The following MARK1 variants were observed in gnomAD, a reference collection of about 807,000 sequenced individuals.
MARK1 encodes the protein microtubule affinity regulating kinase 1, also known as serine/threonine-protein kinase MARK1.
In MARK1, 40 loss-of-function variants were observed where a neutral mutation model predicts 96.3. The observed-to-expected ratio is 0.42, with a 90% CI of 0.32 to 0.54. MARK1 has a LOEUF of 0.54. Among genes scored for constraint, MARK1 ranks in the 20% least tolerant of loss-of-function variants. The probability of loss-of-function intolerance (pLI) is 0.16; values close to 1 mark genes in which losing one functional copy is unlikely to be tolerated. For missense variants in MARK1, 719 were observed against 984.6 expected (o/e 0.73, Z 3.61); for synonymous variants, 317 against 341.2 (o/e 0.93, Z 0.78).
chr1:220,549,659 A>T (rs1381513176), intron 1 of MARK1, among the ~76,000 whole-genome samples: 1 of 152,212 alleles, frequency 6.6e-6, no homozygotes, highest in Non-Finnish European at 1.5e-5. Flanking sequence ...AGAGTACAGA[A>T]GAGGAGAGTT....
At position 220,653,224 on chromosome 1, in the gene MARK1, G is replaced by C; in HGVS notation, c.1860G>C (p.Arg620=). Residue 620 remains arginine (R), a synonymous_variant, in exon 16 of 18, where the codon CGG becomes CGC. Coordinates refer to ENST00000366917, the MANE Select transcript of MARK1 (RefSeq NM_018650.5). ...SRSTFHGEQL[R]ERRSVAYNGP... ...GCACTTTCCATGGTGAACAGCTCCG[G>C]GAGCGACGCAGCGTTGCTTATAATG... The C allele has an allele frequency of 6.2e-7, 1 of 1,614,184 alleles. No individual in the cohort carries two copies. The highest frequency in any genetic ancestry group is 8.5e-7 in the Non-Finnish European group (1 of 1,180,054).
intron 1 of MARK1, among the ~76,000 whole-genome samples, chr1:220,531,005 G>T (rs1660279482): frequency 6.6e-6 from 1 of 152,180 alleles, no homozygotes; most frequent in East Asian, 1.9e-4. Flanking sequence ...GTCTCTCCCT[G>T]CAAGGAGCTT....
At chr1:220,596,631 C>A (rs925658021) in intron 3 of MARK1, among the ~76,000 whole-genome samples, 6 of 152,070 alleles carry the variant, frequency 3.9e-5, no homozygotes, top group Non-Finnish European at 8.8e-5. Context: ...AGCCTTAAGT[C>A]ATTTTGTTTT....
chr1:220,564,211 T>A (rs1241706404), intron 1 of MARK1, among the ~76,000 whole-genome samples: 1 of 152,208 alleles, frequency 6.6e-6, no homozygotes, highest in South Asian at 2.1e-4. Context: ...GTGTTTTTAG[T>A]CTGTAACTTC....
At chr1:220,538,807 G>A (rs1357578395) in intron 1 of MARK1, among the ~76,000 whole-genome samples, 9 of 151,776 alleles carry the variant, frequency 5.9e-5, no homozygotes, top group Non-Finnish European at 1.0e-4. Context: ...TGGATTCCTA[G>A]GTATTTTATT....
intron 5 of MARK1, among the ~76,000 whole-genome samples, chr1:220,603,837 TG>T (rs1665902893): frequency 6.6e-6 from 1 of 152,098 alleles, no homozygotes; most frequent in Non-Finnish European, 1.5e-5. Context: ...TGTGTTTTTA[TG>T]ACTTATTTTT....
At chr1:220,601,588 C>T (rs1665752163) in intron 5 of MARK1, among the ~76,000 whole-genome samples, 2 of 152,112 alleles carry the variant, frequency 1.3e-5, no homozygotes, top group Non-Finnish European at 2.9e-5. Flanking sequence ...AGACTCTTTT[C>T]TTCCTTTTAG....
intron 6 of MARK1, among the ~76,000 whole-genome samples, chr1:220,614,773 T>C (rs980872034): frequency 6.6e-6 from 1 of 152,160 alleles, no homozygotes; most frequent in Non-Finnish European, 1.5e-5. Flanking sequence ...AATGGAATTG[T>C]GTATTACTCA....
At chr1:220,580,549 G>T (rs1158227392) in intron 2 of MARK1, among the ~76,000 whole-genome samples, 1 of 151,850 alleles carries the variant, frequency 6.6e-6, no homozygotes, top group Non-Finnish European at 1.5e-5. Context: ...TATTATTGTC[G>T]TTTCCCATTG....
intron 6 of MARK1, among the ~76,000 whole-genome samples, chr1:220,611,657 G>A (rs558797929): frequency 6.6e-6 from 1 of 152,308 alleles, no homozygotes; most frequent in African/African-American, 2.4e-5. Flanking sequence ...GCTGGGAGCT[G>A]CAGACCAGAG....
At chr1:220,577,274 A>T (rs892199905) in intron 1 of MARK1, among the ~76,000 whole-genome samples, 1 of 25,778 alleles carries the variant, frequency 3.9e-5, no homozygotes, top group East Asian at 8.8e-4. Context: ...CTCAGGAAGA[A>T]AAAAAAAAAG....
At chr1:220,644,511 TAGAC>T (rs1402059400) in intron 13 of MARK1, among the ~76,000 whole-genome samples, 4 of 141,962 alleles carry the variant, frequency 2.8e-5, no homozygotes, top group Admixed American at 7.2e-5. Context: ...CTGTCAGTAT[TAGAC>T]AGATCACCGA....
chr1:220,630,044 G>A (rs1667583739), intron 9 of MARK1, among the ~76,000 whole-genome samples: 1 of 152,114 alleles, frequency 6.6e-6, no homozygotes, highest in South Asian at 2.1e-4. Flanking sequence ...CATAGCAGCT[G>A]CACCATTTTA....
intron 1 of MARK1, among the ~76,000 whole-genome samples, chr1:220,556,028 T>G (rs1662219440): frequency 1.3e-5 from 2 of 152,274 alleles, no homozygotes; most frequent in South Asian, 4.1e-4. Flanking sequence ...AAAGCCAGAA[T>G]GGTAAGCACA....
At chr1:220,588,135 TGAG>T (rs1664768977) in intron 3 of MARK1, among the ~76,000 whole-genome samples, 1 of 152,222 alleles carries the variant, frequency 6.6e-6, no homozygotes. Flanking sequence ...TGATTTCTAA[TGAG>T]ATTGGCCATC....
intron 6 of MARK1, among the ~76,000 whole-genome samples, chr1:220,614,718 T>G (rs1278216730): frequency 1.3e-5 from 2 of 152,130 alleles, no homozygotes; most frequent in African/African-American, 4.8e-5. Flanking sequence ...CACATTTCCT[T>G]GCACATAGCA....
intron 1 of MARK1, among the ~76,000 whole-genome samples, chr1:220,530,908 C>G (rs1660270745): frequency 6.6e-6 from 1 of 152,018 alleles, no homozygotes; most frequent in African/African-American, 2.4e-5. Context: ...TTATATGACA[C>G]CTGTCAATTA....
At chr1:220,586,003 A>G (rs557662138) in intron 3 of MARK1, among the ~76,000 whole-genome samples, 2,111 of 41,860 alleles carry the variant, frequency 0.05, 50 homozygotes, top group African/African-American at 0.091. Flanking sequence ...ACACACACAC[A>G]CACACACACG....
intron 9 of MARK1, chr1:220,626,119 A>C (rs1667316522): frequency 8.1e-6 from 5 of 617,264 alleles, no homozygotes; most frequent in Middle Eastern, 3.8e-4. Context: ...TAAGCAGCAG[A>C]TAGACATCGC....
Sources: allele counts gnomAD v4.1 joint callset (sites outside exome capture counted in the v4.1 genomes callset), GRCh38; gene constraint gnomAD v4.1.1; transcripts MANE v1.5; gene names NCBI Gene and HGNC (gene_info 2026-07-23, HGNC 2026-07-21).